BAZ2A: variants seen among roughly 807,000 people sequenced by gnomAD.
The protein encoded by BAZ2A is bromodomain adjacent to zinc finger domain 2A, also known as bromodomain adjacent to zinc finger domain protein 2A.
Under a neutral mutation model 199.9 loss-of-function variants are expected in BAZ2A, and 34 were observed. That is an observed-to-expected ratio of 0.17 (90% CI 0.13 to 0.23). The LOEUF (loss-of-function observed/expected upper bound fraction) is 0.23, where lower values mean the gene tolerates loss of function less well. Among genes scored for constraint, BAZ2A ranks in the 10% least tolerant of loss-of-function variants. The pLI is 1.00. For missense variants in BAZ2A, 2,002 were observed against 2,391.1 expected (o/e 0.84, Z 3.39); for synonymous variants, 857 against 883.9 (o/e 0.97, Z 0.54).
chr12:56,637,459 T>A (rs145534953), upstream of BAZ2A, among the ~76,000 whole-genome samples: 32 of 152,336 alleles, frequency 2.1e-4, no homozygotes, highest in East Asian at 6.2e-3. Flanking sequence ...CTAGGCCTTA[T>A]GGTATTATAT....
intron 1 of BAZ2A, 123 bp downstream of exon 1, chr12:56,630,002 T>C (rs953183354): frequency 4.9e-5 from 35 of 717,552 alleles, no homozygotes; most frequent in Non-Finnish European, 5.8e-5. Flanking sequence ...GGAAATAAGC[T>C]CCCGTCGGCT....
At chr12:56,612,959 T>TTC in intron 5 of BAZ2A, 56 bp downstream of exon 5, 1 of 1,524,386 alleles carries the variant, frequency 6.6e-7, no homozygotes, top group Admixed American at 1.8e-5. Context: ...ATGAAACTTA[T>TTC]TCTCTCATCT....
At chr12:56,624,199 G>A (rs559814955) in intron 1 of BAZ2A, among the ~76,000 whole-genome samples, 374 of 152,062 alleles carry the variant, frequency 2.5e-3, no homozygotes, top group African/African-American at 8.7e-3. Flanking sequence ...ACTCTGACTC[G>A]GACAAACTAT....
At chr12:56,630,404 A>C, upstream of BAZ2A, 1 of 458,676 alleles carries the variant, frequency 2.2e-6, no homozygotes, top group African/African-American at 2.1e-5. Context: ...AGGGTCCTAA[A>C]GCCCGCCAGC....
chr12:56,623,759 C>G (rs1311945446), intron 1 of BAZ2A, among the ~76,000 whole-genome samples: 4 of 152,074 alleles, frequency 2.6e-5, no homozygotes, highest in Non-Finnish European at 4.4e-5. Context: ...ACAGCGCCCC[C>G]CACAACGAAG....
At chr12:56,610,036 A>C in intron 9 of BAZ2A, 78 bp downstream of exon 9, 1 of 1,600,858 alleles carries the variant, frequency 6.2e-7, no homozygotes, top group East Asian at 2.2e-5. Flanking sequence ...GAACCTTCAA[A>C]CCCCACGAGA....
In BAZ2A at chr12:56,598,716, C is replaced by T. The variant is rs757512983; in HGVS notation, c.5614G>A (p.Glu1872Lys). 1.2e-6 allele frequency: 2 copies of T among 1,613,574 alleles called. No homozygotes were observed. The highest frequency in any genetic ancestry group is 2.2e-5 in the East Asian group (1 of 44,870). Residue 1872 changes from glutamate to lysine, a missense_variant, in exon 29 of 29, where the codon GAG (glutamate) becomes AAG (lysine). By Grantham distance (56) the Glu-to-Lys change is moderately conservative (BLOSUM62 1). Transcript: ENST00000549884. The stretch of plus-strand genomic sequence containing the variant: ...GCCTTGCCTACTTCAGAGTCATCCT[C>T]GTTGAAAGTCTGGCAGTTGTCAAAT... ...LVFDNCQTFN[E>K]DDSEVGKAGH...
chr12:56,605,426 T>C, intron 13 of BAZ2A, 99 bp from the exon 14 acceptor site: 3 of 1,189,194 alleles, frequency 2.5e-6, no homozygotes, highest in South Asian at 2.1e-5. Flanking sequence ...TTATGTAATT[T>C]TTTTTTTTTT....
chr12:56,597,957 T>TGAAGGGAAAAGATTTGGGA lies in BAZ2A; in HGVS notation c.*642_*660dup, dbSNP rs1885996946. On this transcript the variant is annotated 3_prime_UTR_variant, in exon 29 of 29. Coordinates refer to ENST00000549884, the MANE Select transcript of BAZ2A (RefSeq NM_001300905.2). ...GACCTCTGAACATTTTTTTTTCCTT[T>TGAAGGGAAAAGATTTGGGA]GAAGGGAAAAGATTTGGGAGAAGAG... is the stretch of plus-strand genomic sequence containing the variant. 6.6e-6 allele frequency: 1 copy of TGAAGGGAAAAGATTTGGGA among 151,330 alleles called. No homozygotes were observed. Among genetic ancestry groups the TGAAGGGAAAAGATTTGGGA allele is most frequent in the East Asian group, 1.9e-4 (1 of 5,136 alleles). The allele number at this position is 151,330 out of a possible 1,614,324, so 9.4% of individuals were successfully genotyped here.
chr12:56,614,822 T>C, intron 3 of BAZ2A, 192 bp downstream of exon 3: 1 of 651,504 alleles, frequency 1.5e-6, no homozygotes. Flanking sequence ...TAATTTGCAC[T>C]CCCACTCGCG....
Position 56,597,562 on chromosome 12 carries a change from G to GCGCGCACACACA in BAZ2A, c.*1055_*1056insTGTGTGTGCGCG, listed in dbSNP as rs1555204160. 9 of 138,718 alleles carry GCGCGCACACACA rather than the reference G, an allele frequency of 6.5e-5. No individual in the cohort carries two copies. Among genetic ancestry groups the GCGCGCACACACA allele is most frequent in the African/African-American group, 2.1e-4 (7 of 33,652 alleles). The allele number at this position is 138,718 out of a possible 1,614,324, so 8.6% of individuals were successfully genotyped here. On this transcript the variant is annotated 3_prime_UTR_variant, in exon 29 of 29. Coordinates refer to ENST00000549884, the MANE Select transcript of BAZ2A (RefSeq NM_001300905.2). ...TCAAACAATACAGGGTCACAAGCAC[G>GCGCGCACACACA]CACACACACACACACACACAGCGCG...
chr12:56,614,918 G>A (rs1262127019), intron 3 of BAZ2A, 96 bp downstream of exon 3: 2 of 1,287,688 alleles, frequency 1.6e-6, no homozygotes, highest in African/African-American at 1.5e-5. Context: ...CCACTGCAGA[G>A]AGCTGGAAAG....
At position 56,630,261 on chromosome 12, in the gene BAZ2A, G is replaced by C; in HGVS notation, c.-139C>G. 2 of 982,988 alleles carry C rather than the reference G, an allele frequency of 2.0e-6. No individual in the cohort carries two copies. The highest frequency in any genetic ancestry group is 1.2e-6 in the Non-Finnish European group (1 of 827,630). The allele number at this position is 982,988 out of a possible 1,614,324, so 60.9% of individuals were successfully genotyped here. The stretch of plus-strand genomic sequence containing the variant: ...GGGTCTGGGGTCCGGGGTTCGGGAA[G>C]GGGGAGGGGGACGCGGCTCAACCGC... On this transcript the variant is annotated 5_prime_UTR_variant, in exon 1 of 29. Coordinates refer to ENST00000549884, the MANE Select transcript of BAZ2A (RefSeq NM_001300905.2).
intron 1 of BAZ2A, among the ~76,000 whole-genome samples, chr12:56,618,257 A>G (rs574325621): frequency 6.6e-6 from 1 of 152,254 alleles, no homozygotes; most frequent in African/African-American, 2.4e-5. Context: ...TGTTATGTCT[A>G]TTATGGTTAT....
At chr12:56,606,840 G>A (rs1006629290) in intron 10 of BAZ2A, 107 bp from the exon 11 acceptor site, 4 of 841,494 alleles carry the variant, frequency 4.8e-6, no homozygotes, top group African/African-American at 1.7e-5. Flanking sequence ...GCAGCTCCCT[G>A]AAGAATCTAG....
chr12:56,629,795 G>C (rs1459695691), intron 1 of BAZ2A, among the ~76,000 whole-genome samples: 1 of 148,440 alleles, frequency 6.7e-6, no homozygotes, highest in African/African-American at 2.5e-5. Context: ...GCCCCTCCCG[G>C]GGATTCCACC....
chr12:56,609,664 A>AT (rs1260578888), intron 10 of BAZ2A, 72 bp downstream of exon 10: 2 of 1,439,962 alleles, frequency 1.4e-6, no homozygotes, highest in African/African-American at 1.4e-5. Context: ...AAATCCAGGT[A>AT]TTAGCAATTC....
intron 1 of BAZ2A, among the ~76,000 whole-genome samples, chr12:56,628,637 T>TACCC (rs1217156071): frequency 6.6e-6 from 1 of 152,188 alleles, no homozygotes; most frequent in African/African-American, 2.4e-5. Context: ...AATCAGTCCC[T>TACCC]ACCCCCGACA....
upstream of BAZ2A, among the ~76,000 whole-genome samples, chr12:56,632,926 A>C (rs1951354356): frequency 6.6e-6 from 1 of 151,346 alleles, no homozygotes; most frequent in Non-Finnish European, 1.5e-5. Context: ...GTCCCGAAAC[A>C]CTCCTCAATC....
Sources: allele counts gnomAD v4.1 joint callset (sites outside exome capture counted in the v4.1 genomes callset), GRCh38; gene constraint gnomAD v4.1.1; transcripts MANE v1.5; gene names NCBI Gene and HGNC (gene_info 2026-07-23, HGNC 2026-07-21).